ST6GALNAC5: variants seen among roughly 807,000 people sequenced by gnomAD.
The protein encoded by ST6GALNAC5 is ST6 N-acetylgalactosaminide alpha-2,6-sialyltransferase 5, also known as alpha-N-acetylgalactosaminide alpha-2,6-sialyltransferase 5.
A neutral mutation model predicts 33.6 loss-of-function variants in ST6GALNAC5; 27 were observed. The observed-to-expected ratio is 0.80, with a 90% CI of 0.59 to 1.11. ST6GALNAC5 has a LOEUF of 1.11. ST6GALNAC5 is among the 50% of genes least tolerant of loss of function. The pLI, the probability that ST6GALNAC5 is intolerant of heterozygous loss-of-function variation, is 0.00. For missense variants in ST6GALNAC5, 428 were observed against 454.0 expected (o/e 0.94, Z 0.52); for synonymous variants, 194 against 171.2 (o/e 1.13, Z -1.04).
chr1:77,009,417 C>T (rs553662797), intron 2 of ST6GALNAC5, among the ~76,000 whole-genome samples: 3 of 151,904 alleles, frequency 2.0e-5, no homozygotes, highest in Non-Finnish European at 4.4e-5. Context: ...AAACATGGCA[C>T]GCAGGGAGAG....
In ST6GALNAC5 at chr1:76,868,410, G is replaced by T; in HGVS notation, c.16-87G>T. 1 of 1,503,488 alleles carries T rather than the reference G, an allele frequency of 6.7e-7. No individual in the cohort carries two copies. Among genetic ancestry groups the T allele is most frequent in the South Asian group, 1.3e-5 (1 of 74,564 alleles). 93.1% of individuals were successfully genotyped at this position (1,503,488 alleles called of 1,614,324 possible). The stretch of plus-strand genomic sequence containing the variant: ...CGCCCCAAATCTCCCCCACTAGAGT[G>T]ACCACCGCACAGTTGTCCCCGCTGG... On this transcript the variant is annotated intron_variant, in intron 1 of 4. Transcript: ENST00000477717. This position sits in a 1 kb window ranked among gnomAD's most constrained non-coding sequence, Gnocchi z 4.3.
At chr1:77,055,396 A>G (rs2100475981) in intron 4 of ST6GALNAC5, among the ~76,000 whole-genome samples, 1 of 152,334 alleles carries the variant, frequency 6.6e-6, no homozygotes, top group Non-Finnish European at 1.5e-5. Flanking sequence ...AATAACATTA[A>G]TGGCTGATAT....
chr1:77,011,747 A>T (rs192108627), intron 2 of ST6GALNAC5, among the ~76,000 whole-genome samples: 1 of 152,120 alleles, frequency 6.6e-6, no homozygotes, highest in African/African-American at 2.4e-5. Context: ...GCATATAAGT[A>T]CTTATATACA....
intron 4 of ST6GALNAC5, among the ~76,000 whole-genome samples, chr1:77,057,918 G>A (rs913548898): frequency 1.3e-5 from 2 of 152,152 alleles, no homozygotes; most frequent in African/African-American, 4.8e-5. Context: ...ACAAACCCCT[G>A]TTGCCATTAG....
chr1:76,986,492 A>C (rs1649501535), intron 2 of ST6GALNAC5, among the ~76,000 whole-genome samples: 1 of 152,218 alleles, frequency 6.6e-6, no homozygotes, highest in Non-Finnish European at 1.5e-5. Flanking sequence ...TAGAATGGCA[A>C]TCATTAAAAA....
intron 2 of ST6GALNAC5, among the ~76,000 whole-genome samples, chr1:77,022,206 A>G (rs199678): frequency 0.29 from 44,582 of 152,056 alleles, 7,131 homozygotes; most frequent in African/African-American, 0.42. Context: ...ACCTCTCTGA[A>G]GCAGAAACCT....
At chr1:76,897,411 AT>A (rs1260182790) in intron 2 of ST6GALNAC5, among the ~76,000 whole-genome samples, 1 of 152,200 alleles carries the variant, frequency 6.6e-6, no homozygotes, top group Non-Finnish European at 1.5e-5. Context: ...GACAGATAAA[AT>A]GGGGGAATTG....
At chr1:76,915,967 G>A (rs1276482367) in intron 2 of ST6GALNAC5, among the ~76,000 whole-genome samples, 2 of 150,164 alleles carry the variant, frequency 1.3e-5, no homozygotes, top group Non-Finnish European at 1.5e-5. Context: ...CAGAAAACAT[G>A]TTTTCTACCA....
chr1:77,057,106 T>G (rs905248611), intron 4 of ST6GALNAC5, among the ~76,000 whole-genome samples: 3 of 152,276 alleles, frequency 2.0e-5, no homozygotes, highest in African/African-American at 7.2e-5. Context: ...TTCAAACATT[T>G]CCTGAGTACC....
chr1:76,971,846 ACTGT>A (rs891828011), intron 2 of ST6GALNAC5, among the ~76,000 whole-genome samples: 2 of 152,206 alleles, frequency 1.3e-5, no homozygotes, highest in African/African-American at 4.8e-5. Context: ...TAAGTTGGAG[ACTGT>A]CTGTAGACAC....
chr1:76,884,891 T>G (rs1035648877), intron 2 of ST6GALNAC5, among the ~76,000 whole-genome samples: 1 of 151,698 alleles, frequency 6.6e-6, no homozygotes, highest in Admixed American at 6.6e-5. Flanking sequence ...TAGGGAAGAG[T>G]AGTAACCAGG....
chr1:77,059,183 A>G (rs967443193), intron 4 of ST6GALNAC5, among the ~76,000 whole-genome samples: 6 of 152,212 alleles, frequency 3.9e-5, no homozygotes, highest in African/African-American at 1.4e-4. Flanking sequence ...CTATGGTCCA[A>G]TTATCAAAAG....
At chr1:76,972,651 T>C (rs114598550) in intron 2 of ST6GALNAC5, among the ~76,000 whole-genome samples, 1,715 of 152,324 alleles carry the variant, frequency 0.011, 36 homozygotes, top group African/African-American at 0.039. Flanking sequence ...AGATGTCATT[T>C]TGCACATGAG....
chr1:76,927,701 A>G (rs1210793733), intron 2 of ST6GALNAC5, among the ~76,000 whole-genome samples: 1 of 151,986 alleles, frequency 6.6e-6, no homozygotes, highest in African/African-American at 2.4e-5. Context: ...ATGGGACATG[A>G]GGTCTTTTCT....
chr1:76,904,380 A>G (rs1481815773), intron 2 of ST6GALNAC5, among the ~76,000 whole-genome samples: 1 of 152,218 alleles, frequency 6.6e-6, no homozygotes, highest in Non-Finnish European at 1.5e-5. Flanking sequence ...AGGAACGTTC[A>G]TAGCAACACA....
At chr1:77,019,886 T>G (rs2100434891) in intron 2 of ST6GALNAC5, among the ~76,000 whole-genome samples, 1 of 152,274 alleles carries the variant, frequency 6.6e-6, no homozygotes, top group Admixed American at 6.5e-5. Flanking sequence ...AACCCCCAAA[T>G]TCCTATCTTA....
intron 2 of ST6GALNAC5, among the ~76,000 whole-genome samples, chr1:77,026,825 G>T (rs1247974931): frequency 2.6e-5 from 4 of 152,024 alleles, no homozygotes; most frequent in African/African-American, 7.2e-5. Flanking sequence ...ATGAATGAAT[G>T]AATGAATGAA....
intron 2 of ST6GALNAC5, among the ~76,000 whole-genome samples, chr1:76,899,623 C>T (rs1054383189): frequency 1.3e-5 from 2 of 152,160 alleles, no homozygotes; most frequent in Non-Finnish European, 2.9e-5. Context: ...GATTAAACAC[C>T]AAGGGACGGC....
intron 2 of ST6GALNAC5, among the ~76,000 whole-genome samples, chr1:77,039,826 G>A (rs933306546): frequency 1.3e-5 from 2 of 152,162 alleles, no homozygotes; most frequent in Non-Finnish European, 2.9e-5. Flanking sequence ...CTTGCTCAGC[G>A]GAGAGCCCGC....
Sources: gnomAD v4.1 joint callset for allele counts (sites outside exome capture counted in the v4.1 genomes callset) on GRCh38, gnomAD v4.1.1 for gene constraint, Gnocchi (gnomAD v3.1) non-coding constraint, MANE v1.5 for transcripts, NCBI Gene and HGNC (gene_info 2026-07-23, HGNC 2026-07-21) for gene names.